FAR2: variants seen among roughly 807,000 people sequenced by gnomAD.
The protein encoded by FAR2 is fatty acyl-CoA reductase 2.
In FAR2, 19 loss-of-function variants were observed where a neutral mutation model predicts 56.0. The observed-to-expected ratio is 0.34, with a 90% confidence interval of 0.24 to 0.50. FAR2 has a LOEUF of 0.50. Ranked by LOEUF, FAR2 falls within the 20% of genes least tolerant of loss-of-function variation. FAR2 has a pLI of 0.98. For missense variants in FAR2, 508 were observed against 642.2 expected (o/e 0.79, Z 2.26); for synonymous variants, 219 against 218.8 (o/e 1.00, Z -0.01).
At chr12:29,329,961 T>C (rs1949706506) in intron 10 of FAR2, among the ~76,000 whole-genome samples, 13 of 152,032 alleles carry the variant, frequency 8.6e-5, no homozygotes, top group Admixed American at 8.5e-4. Context: ...AGCTTTCTGG[T>C]AGTAAAGTGA....
chr12:29,309,444 A>G (rs1374425857), intron 6 of FAR2, among the ~76,000 whole-genome samples: 2 of 152,196 alleles, frequency 1.3e-5, no homozygotes, highest in Admixed American at 6.5e-5. Context: ...GTAATGTGCT[A>G]TCAGTTACTA....
chr12:29,226,071 GT>G (rs1371691087), intron 1 of FAR2, among the ~76,000 whole-genome samples: 5 of 152,270 alleles, frequency 3.3e-5, no homozygotes, highest in African/African-American at 1.2e-4. Context: ...ATTTTTATAT[GT>G]TACCTCATGG....
intron 6 of FAR2, chr12:29,309,859 C>G (rs1310308282): frequency 6.6e-6 from 1 of 152,372 alleles, no homozygotes; most frequent in African/African-American, 2.4e-5. Context: ...TGGGGCTTCA[C>G]AGCTCACACT....
intron 1 of FAR2, among the ~76,000 whole-genome samples, chr12:29,253,203 A>T (rs11050154): frequency 0.081 from 6,918 of 85,770 alleles, 995 homozygotes; most frequent in Non-Finnish European, 0.089. Flanking sequence ...ATCTATCTAG[A>T]TAGGTATCTA....
At chr12:29,156,076 G>A (rs1046440521) in intron 1 of FAR2, among the ~76,000 whole-genome samples, 2 of 152,134 alleles carry the variant, frequency 1.3e-5, no homozygotes, top group African/African-American at 4.8e-5. Flanking sequence ...GAGGTTGAAG[G>A]CAAAAAGTGG....
chr12:29,239,999 T>C (rs541291897), intron 1 of FAR2, among the ~76,000 whole-genome samples: 2 of 152,198 alleles, frequency 1.3e-5, no homozygotes, highest in Admixed American at 6.5e-5. Flanking sequence ...TTTTATCCTA[T>C]GTTTGAGATG....
intron 1 of FAR2, among the ~76,000 whole-genome samples, chr12:29,244,258 C>T (rs1948089525): frequency 6.6e-6 from 1 of 152,030 alleles, no homozygotes; most frequent in African/African-American, 2.4e-5. Context: ...AAGAATGTGC[C>T]AATGAACACA....
chr12:29,245,084 G>A (rs536086426), intron 1 of FAR2, among the ~76,000 whole-genome samples: 7 of 151,942 alleles, frequency 4.6e-5, no homozygotes, highest in Non-Finnish European at 8.8e-5. Context: ...GGGTTCAAGC[G>A]ATTTTCCTGC....
intron 3 of FAR2, 47 bp downstream of exon 3, chr12:29,293,522 G>A: frequency 7.7e-7 from 1 of 1,300,480 alleles, no homozygotes; most frequent in Non-Finnish European, 9.9e-7. Context: ...ATGTGTGCAT[G>A]TAAATTTCTT....
chr12:29,248,771 G>A (rs370577350), intron 1 of FAR2, among the ~76,000 whole-genome samples: 4 of 152,296 alleles, frequency 2.6e-5, no homozygotes, highest in African/African-American at 9.6e-5. Context: ...GCCACGCCCA[G>A]CGGGGCCAGT....
intron 1 of FAR2, among the ~76,000 whole-genome samples, chr12:29,246,024 A>C (rs1948122735): frequency 6.6e-6 from 1 of 151,502 alleles, no homozygotes; most frequent in Non-Finnish European, 1.5e-5. Context: ...ATTGTTATAC[A>C]TAATATGCTA....
intron 2 of FAR2, among the ~76,000 whole-genome samples, chr12:29,285,335 G>A (rs1165213406): frequency 6.6e-6 from 1 of 152,140 alleles, no homozygotes; most frequent in Non-Finnish European, 1.5e-5. Flanking sequence ...TCCAAAATTG[G>A]AAATATTTGC....
intron 1 of FAR2, among the ~76,000 whole-genome samples, chr12:29,182,038 C>T (rs1949997246): frequency 2.0e-5 from 3 of 152,168 alleles, no homozygotes; most frequent in Admixed American, 2.0e-4. Context: ...GAAAGATTCC[C>T]AGACCAAGTA....
chr12:29,261,748 A>G (rs1831664567), intron 1 of FAR2, among the ~76,000 whole-genome samples: 2 of 152,252 alleles, frequency 1.3e-5, no homozygotes, highest in Non-Finnish European at 2.9e-5. Context: ...CTTACAGGCC[A>G]GGAAAGAGTG....
intron 1 of FAR2, among the ~76,000 whole-genome samples, chr12:29,164,323 C>T (rs1949807140): frequency 6.6e-6 from 1 of 152,184 alleles, no homozygotes; most frequent in Non-Finnish European, 1.5e-5. Context: ...GCCGACGCGG[C>T]TGCTGCCATT....
At chr12:29,328,496 A>G (rs373390233) in intron 10 of FAR2, among the ~76,000 whole-genome samples, 4 of 152,316 alleles carry the variant, frequency 2.6e-5, no homozygotes, top group South Asian at 4.1e-4. Context: ...GAACCAACCC[A>G]AATGTCCAAC....
At chr12:29,256,376 C>T (rs779287691) in intron 1 of FAR2, among the ~76,000 whole-genome samples, 3 of 152,064 alleles carry the variant, frequency 2.0e-5, no homozygotes, top group Non-Finnish European at 4.4e-5. Context: ...TTAGTAGAGA[C>T]GGGGTCTCAC....
At chr12:29,323,905 T>C (rs1427650683) in intron 10 of FAR2, among the ~76,000 whole-genome samples, 2 of 152,106 alleles carry the variant, frequency 1.3e-5, no homozygotes, top group African/African-American at 4.8e-5. Context: ...GAGAATGACT[T>C]TGACGAGTTG....
intron 1 of FAR2, among the ~76,000 whole-genome samples, chr12:29,250,279 T>C (rs1183995215): frequency 1.3e-5 from 2 of 152,204 alleles, no homozygotes; most frequent in African/African-American, 2.4e-5. Context: ...TCTGACCAGA[T>C]TCTGTTCTGG....
Sources: gnomAD v4.1 joint callset for allele counts (sites outside exome capture counted in the v4.1 genomes callset) on GRCh38, gnomAD v4.1.1 for gene constraint, MANE v1.5 for transcripts, NCBI Gene and HGNC (gene_info 2026-07-23, HGNC 2026-07-21) for gene names.